Variants in FASN observed in about 807,000 individuals in gnomAD.
The protein encoded by FASN is fatty acid synthase.
FASN carries 50 observed loss-of-function variants against 250.0 expected under a neutral mutation model. The observed-to-expected ratio is 0.20, with a 90% CI of 0.16 to 0.25. FASN has a LOEUF of 0.25. FASN is among the 10% of genes least tolerant of loss of function. The pLI is 1.00. For synonymous variants in FASN, 1,909 were observed against 1,584.0 expected, an observed-to-expected ratio of 1.21 and a Z score of -4.87; for missense variants, 3,031 against 3,498.5, an observed-to-expected ratio of 0.87 and a Z score of 3.37.
In FASN at chr17:82,082,417, G is replaced by A. The variant is rs113856000; in HGVS notation, c.5920-3C>T. ...TCCAGCAAGCCATCTCTCAAGACCT[G>A]GGGGAGGCATCCTCAGCACTCCCTG... On this transcript the variant is annotated splice_region_variant and splice_polypyrimidine_tract_variant and intron_variant, in intron 34 of 42. Coordinates refer to ENST00000306749, the MANE Select transcript of FASN (RefSeq NM_004104.5). 8 of 1,612,460 alleles carry A rather than the reference G, an allele frequency of 5.0e-6. No homozygotes were observed. The highest frequency in any genetic ancestry group is 1.3e-5 in the African/African-American group (1 of 74,924).
rs2034086576 is a variant in FASN, at chr17:82,085,728, A to G, written c.3876T>C (p.Val1292=). The G allele has an allele frequency of 6.4e-7, 1 of 1,565,750 alleles. No individual in the cohort carries two copies. Among genetic ancestry groups the G allele is most frequent in the East Asian group, 2.4e-5 (1 of 41,948 alleles). Residue 1292 remains valine, a synonymous_variant, in exon 23 of 43, where the codon GTT becomes GTC. Coordinates refer to ENST00000306749, the MANE Select transcript of FASN (RefSeq NM_004104.5). ...AAQAELQQHD[V]AQGQWDPADP... is the part of the protein sequence containing the mutation. ...CTGCGGGATCCCACTGGCCCTGGGC[A>G]ACGTCGTGCTGCTGCAGCTCGGCCT...
In FASN at chr17:82,084,684, C is replaced by G; in HGVS notation, c.4597G>C (p.Val1533Leu). ...KPEEPTAHAF[V>L]STLTRGDLSS... ...AGGTCCCCCCGGGTGAGGGTGCTCA[C>G]AAAGGCATGTGCCGTCGGCTCCTCA... Residue 1533 changes from valine to leucine, a missense_variant, in exon 27 of 43, where the codon GTG (valine) becomes CTG (leucine). Transcript: ENST00000306749. 3.2e-6 allele frequency: 5 copies of G among 1,579,724 alleles called. No homozygotes were observed. The highest frequency in any genetic ancestry group is 4.3e-6 in the Non-Finnish European group (5 of 1,163,330).
intron 1 of FASN, 69 bp downstream of exon 1, chr17:82,098,052 C>A: frequency 3.1e-6 from 1 of 322,432 alleles, no homozygotes; most frequent in Non-Finnish European, 5.7e-6. Flanking sequence ...GGAGCCGGGC[C>A]ACCCCGGGAA....
At chr17:82,083,716 T>C in intron 30 of FASN, 56 bp downstream of exon 30, 1 of 1,608,012 alleles carries the variant, frequency 6.2e-7, no homozygotes, top group Admixed American at 1.7e-5. Flanking sequence ...AGACCCTGCT[T>C]CTCCCTGGGC....
chr17:82,090,436 G>A lies in FASN; in HGVS notation c.1809C>T (p.Ala603=), dbSNP rs1378865985. The A allele has an allele frequency of 3.1e-6, 5 of 1,603,946 alleles. No homozygotes were observed. Among genetic ancestry groups the A allele is most frequent in the Non-Finnish European group, 3.4e-6 (4 of 1,176,354 alleles). The change falls in exon 11 of 43, where the codon GCC becomes GCT. Residue 603 remains alanine (A), a synonymous_variant. Transcript: ENST00000306749. Reference sequence around the variant, plus strand: ...CTTTGATGCACTGTCCCCTCCAGTAGGCAGCGAGGACGGCCTCCTCCTGGG... The same window carrying A: ...CTTTGATGCACTGTCCCCTCCAGTAAGCAGCGAGGACGGCCTCCTCCTGGG... The part of the protein sequence containing the change: ...CLSQEEAVLA[A]YWRGQCIKEA...
Position 82,080,742 on chromosome 17 carries a change from C to G in FASN, c.6776G>C (p.Ser2259Thr). 2 of 1,603,776 alleles carry G rather than the reference C, an allele frequency of 1.2e-6. No homozygotes were observed. The highest frequency in any genetic ancestry group is 1.7e-4 in the Middle Eastern group (1 of 5,912). ...GGGGATGCTGAGCCGGGAGGCCAGGCTGTGGAACACGGTGGTGGAGCCCTC... is the reference window on the plus strand; with the variant it reads ...GGGGATGCTGAGCCGGGAGGCCAGGGTGTGGAACACGGTGGTGGAGCCCTC... ...PIEGSTTVFH[S>T]LASRLSIPTY... The change falls in exon 39 of 43, where the codon AGC becomes ACC. Residue 2259 changes from serine (S) to threonine (T), a missense_variant. Coordinates refer to ENST00000306749, the MANE Select transcript of FASN (RefSeq NM_004104.5).
At chr17:82,084,997 G>A (rs781378216) in intron 25 of FASN, 38 bp downstream of exon 25, 2 of 1,584,898 alleles carry the variant, frequency 1.3e-6, no homozygotes, top group South Asian at 2.3e-5. Flanking sequence ...TGGGGAGGCT[G>A]GTGGGGAAGG....
chr17:82,079,183 C>G lies in FASN; in HGVS notation c.7496G>C (p.Ser2499Thr), dbSNP rs1352141174. 1 of 1,612,840 alleles carries G rather than the reference C, an allele frequency of 6.2e-7. No homozygotes were observed. Among genetic ancestry groups the G allele is most frequent in the Non-Finnish European group, 8.5e-7 (1 of 1,179,938 alleles). The change falls in exon 43 of 43, where the codon AGC becomes ACC. Residue 2499 changes from serine to threonine, a missense_variant. Coordinates refer to ENST00000306749, the MANE Select transcript of FASN (RefSeq NM_004104.5). ...GLESIISIIHSSLAEPRVSVR... is the reference protein window; with the variant it reads ...GLESIISIIHTSLAEPRVSVR... ...GCTCACGCGTGGCTCAGCCAGGGAG[C>G]TGTGGATGATGCTGATGATGGACTC...
chr17:82,087,114 G>C lies in FASN; in HGVS notation c.3363C>G (p.Pro1121=), dbSNP rs1210471830. The C allele has an allele frequency of 6.2e-7, 1 of 1,612,140 alleles. No individual in the cohort carries two copies. Among genetic ancestry groups the C allele is most frequent in the East Asian group, 2.2e-5 (1 of 44,874 alleles). ...VPILEKFCFT[P]HTEEGCLSER... is the part of the protein sequence containing the mutation. Reference sequence around the variant, plus strand: ...CAGACAGGCACCCCTCCTCCGTGTGGGGAGTGAAGCAAAACTTCTCCAGGA... The same window carrying C: ...CAGACAGGCACCCCTCCTCCGTGTGCGGAGTGAAGCAAAACTTCTCCAGGA... The change falls in exon 21 of 43, where the codon CCC becomes CCG. Residue 1121 remains proline, a synonymous_variant. Coordinates refer to ENST00000306749, the MANE Select transcript of FASN (RefSeq NM_004104.5).
At position 82,078,921 on chromosome 17, in the gene FASN, G is replaced by A; in HGVS notation, c.*222C>T. 1.6e-6 allele frequency: 1 copy of A among 630,236 alleles called. No individual in the cohort carries two copies. The highest frequency in any genetic ancestry group is 2.8e-6 in the Non-Finnish European group (1 of 359,690). The allele number at this position is 630,236 out of a possible 1,614,324, so 39.0% of individuals were successfully genotyped here. ...GGCACCACCGGCTCTTCACAGACCA[G>A]GAGTCTCCAAGTCGGCAGCTCTGGT... On this transcript the variant is annotated 3_prime_UTR_variant, in exon 43 of 43. Coordinates refer to ENST00000306749, the MANE Select transcript of FASN (RefSeq NM_004104.5). This position sits in a 1 kb window ranked among gnomAD's most constrained non-coding sequence, Gnocchi z 5.4.
rs1216208488 is a variant in FASN at position 82,090,574 on chromosome 17, G to C, written c.1681-10C>G. The C allele has an allele frequency of 3.7e-6, 6 of 1,608,794 alleles. No homozygotes were observed. The highest frequency in any genetic ancestry group is 5.1e-6 in the Non-Finnish European group (6 of 1,177,820). Reference sequence around the variant, plus strand: ...GGTCTATGAGGCCTATCTGGGGTGGGAACAGGACACTCAGGTTGCAACCTC... The same window carrying C: ...GGTCTATGAGGCCTATCTGGGGTGGCAACAGGACACTCAGGTTGCAACCTC... On this transcript the variant is annotated splice_polypyrimidine_tract_variant and intron_variant, in intron 10 of 42. Transcript: ENST00000306749.
Position 82,080,519 on chromosome 17 carries a change from C to T in FASN, c.6898G>A (p.Gly2300Ser). The part of the protein sequence containing the change: ...IDCIRQVQPE[G>S]PYRVAGYSYG... ...GAGTAGCCGGCCACGCGGTAGGGGC[C>T]CTCGGGCTGCACCTGCCTGATGCAG... Residue 2300 changes from glycine (G) to serine (S), a missense_variant, in exon 40 of 43, where the codon GGC becomes AGC. Physicochemically the swap from Gly to Ser is moderately conservative, Grantham distance 56. Transcript: ENST00000306749. The T allele has an allele frequency of 1.9e-6, 3 of 1,561,892 alleles. No individual in the cohort carries two copies. The highest frequency in any genetic ancestry group is 2.6e-6 in the Non-Finnish European group (3 of 1,154,274).
chr17:82,083,703 G>A, intron 30 of FASN, 64 bp from the exon 31 acceptor site: 1 of 1,605,726 alleles, frequency 6.2e-7, no homozygotes, highest in South Asian at 1.1e-5. Flanking sequence ...AGTCCAGAGG[G>A]CCAGACCCTG....
intron 9 of FASN, 46 bp from the exon 10 acceptor site, chr17:82,091,115 C>T (rs528883550): frequency 7.5e-6 from 12 of 1,606,572 alleles, no homozygotes; most frequent in Non-Finnish European, 9.3e-6. Flanking sequence ...TCCCGTGCCA[C>T]TGTGTGCCCA....
chr17:82,093,471 C>G, intron 4 of FASN, 52 bp from the exon 5 acceptor site: 1 of 1,579,966 alleles, frequency 6.3e-7, no homozygotes, highest in Non-Finnish European at 8.6e-7. Flanking sequence ...CACGAGACCC[C>G]TGAGCACACC....
At position 82,085,674 on chromosome 17, in the gene FASN, G is replaced by A. The variant is rs758528001; in HGVS notation, c.3930C>T (p.Ala1310=). 84 of 1,580,898 alleles carry A rather than the reference G, an allele frequency of 5.3e-5. No individual in the cohort carries two copies. The East Asian group carries it at 1.3e-3, about 25-fold the overall frequency. ...ADPAPSALGS[A]DLLVCNCAVA... ...CAGCACAGTTGCACACCAGGAGGTC[G>A]GCGCTGCCCAGGGCGCTGGGGGCAG... Residue 1310 remains alanine (A), a synonymous_variant, in exon 23 of 43, where the codon GCC becomes GCT. Coordinates refer to ENST00000306749, the MANE Select transcript of FASN (RefSeq NM_004104.5).
At chr17:82,080,003 C>G in intron 41 of FASN, 137 bp downstream of exon 41, 2 of 972,462 alleles carry the variant, frequency 2.1e-6, no homozygotes, top group Non-Finnish European at 3.2e-6. Context: ...CAACCGCATC[C>G]GGCCGGGATC....
intron 31 of FASN, 27 bp downstream of exon 31, chr17:82,083,490 C>G: frequency 6.2e-7 from 1 of 1,612,734 alleles, no homozygotes; most frequent in Non-Finnish European, 8.5e-7. Flanking sequence ...TCCATGCCCA[C>G]CCCCGCCCAG....
At chr17:82,090,290 C>T in intron 11 of FASN, 85 bp downstream of exon 11, 1 of 1,385,198 alleles carries the variant, frequency 7.2e-7, no homozygotes, top group Non-Finnish European at 9.8e-7. Flanking sequence ...CTACGGGGGC[C>T]AGGCCAGGGC....
Sources: gnomAD v4.1 joint callset for allele counts on GRCh38, gnomAD v4.1.1 for gene constraint, Gnocchi (gnomAD v3.1) non-coding constraint, MANE v1.5 for transcripts, NCBI Gene and HGNC (gene_info 2026-07-23, HGNC 2026-07-21) for gene names.